LZTFL1: variants seen among roughly 807,000 people sequenced by gnomAD.
The protein encoded by LZTFL1 is leucine zipper transcription factor like 1.
A neutral mutation model predicts 45.9 loss-of-function variants in LZTFL1; 25 were observed. The ratio of observed to expected loss-of-function variants is 0.54; its 90% CI spans 0.40 to 0.76. The LOEUF is 0.76. Among genes scored for constraint, LZTFL1 ranks in the 30% least tolerant of loss-of-function variants. The pLI, the probability that LZTFL1 is intolerant of heterozygous loss-of-function variation, is 0.00. For synonymous variants in LZTFL1, 93 were observed against 117.4 expected, an observed-to-expected ratio of 0.79 and a Z score of 1.35; for missense variants, 277 against 331.1, an observed-to-expected ratio of 0.84 and a Z score of 1.27.
chr3:45,829,058 A>G (rs1700744755), intron 7 of LZTFL1, among the ~76,000 whole-genome samples: 1 of 152,234 alleles, frequency 6.6e-6, no homozygotes, highest in African/African-American at 2.4e-5. Flanking sequence ...TGTTTTAGTC[A>G]TTATTTACAA....
chr3:45,826,193 A>G lies in LZTFL1; in HGVS notation c.*121T>C. Reference sequence around the variant, plus strand: ...ATAGGAACTCTAGTTCTAAATATTCAAAGTCTAAATATTAGAAAAATAAGG... The same window carrying G: ...ATAGGAACTCTAGTTCTAAATATTCGAAGTCTAAATATTAGAAAAATAAGG... On this transcript the variant is annotated 3_prime_UTR_variant, in exon 10 of 10. Transcript: ENST00000296135. 1.2e-6 allele frequency: 1 copy of G among 856,604 alleles called. No homozygotes were observed. The highest frequency in any genetic ancestry group is 1.9e-6 in the Non-Finnish European group (1 of 529,526). The allele number at this position is 856,604 out of a possible 1,614,324, so 53.1% of individuals were successfully genotyped here. A position where few individuals can be genotyped will look rare whatever the true frequency, so the allele number is the denominator to read the frequency against.
chr3:45,848,466 CA>C (rs1192513798), intron 4 of LZTFL1, among the ~76,000 whole-genome samples: 2 of 152,186 alleles, frequency 1.3e-5, no homozygotes, highest in Non-Finnish European at 2.9e-5. Context: ...GCGCTACACA[CA>C]AAATATGCAA....
At position 45,849,735 on chromosome 3, in the gene LZTFL1, T is replaced by C. The variant is rs190807733; in HGVS notation, c.-49+5251A>G. ...CAAAAAAGACTGTGGAGAATAACTT[T>C]GAACAGCTAACATACACAGAACTGA... On this transcript the variant is annotated intron_variant, in intron 4 of 4. Coordinates refer to the LZTFL1 transcript ENST00000472635. Among the ~76,000 whole-genome samples the C allele has an allele frequency of 2.0e-3, 299 of 152,348 alleles. 2 individuals carry two copies. Among genetic ancestry groups the C allele is most frequent in the African/African-American group, 6.8e-3 (282 of 41,578 alleles).
At chr3:45,843,837 C>T (rs1258626206), upstream of LZTFL1, among the ~76,000 whole-genome samples, 2 of 152,186 alleles carry the variant, frequency 1.3e-5, no homozygotes, top group Non-Finnish European at 2.9e-5. Flanking sequence ...TGAACTTGTA[C>T]TTCAGGTTGT....
At chr3:45,860,934 A>G (rs1701478225) in intron 2 of LZTFL1, among the ~76,000 whole-genome samples, 1 of 152,198 alleles carries the variant, frequency 6.6e-6, no homozygotes, top group African/African-American at 2.4e-5. Flanking sequence ...CTTCTGATCT[A>G]GTCCATTGCC....
At chr3:45,877,036 G>A (rs939363392) in intron 2 of LZTFL1, among the ~76,000 whole-genome samples, 2 of 152,024 alleles carry the variant, frequency 1.3e-5, no homozygotes, top group Non-Finnish European at 2.9e-5. Context: ...ATAGGGCAAG[G>A]GAAGGCTTCC....
intron 2 of LZTFL1, among the ~76,000 whole-genome samples, chr3:45,877,495 A>G (rs533572254): frequency 6.6e-6 from 1 of 152,020 alleles, no homozygotes; most frequent in Non-Finnish European, 1.5e-5. Context: ...CGGCCCCCCA[A>G]AGTGTTGGGT....
intron 2 of LZTFL1, among the ~76,000 whole-genome samples, chr3:45,865,314 A>ATAC (rs1701560301): frequency 6.6e-6 from 1 of 152,258 alleles, no homozygotes; most frequent in Non-Finnish European, 1.5e-5. Flanking sequence ...TTGAAGTAGG[A>ATAC]TACTCAGCAA....
chr3:45,836,632 G>C (rs1281561832), intron 2 of LZTFL1, among the ~76,000 whole-genome samples: 1 of 152,118 alleles, frequency 6.6e-6, no homozygotes, highest in Non-Finnish European at 1.5e-5. Flanking sequence ...TCCAGCCTGG[G>C]CGACAAAGTG....
intron 2 of LZTFL1, among the ~76,000 whole-genome samples, chr3:45,876,173 C>T (rs1701746601): frequency 6.6e-6 from 1 of 152,158 alleles, no homozygotes; most frequent in Non-Finnish European, 1.5e-5. Flanking sequence ...TCAAGTGAAG[C>T]CTGAGGCTCT....
chr3:45,908,993 A>G (rs980311677), intron 2 of LZTFL1, among the ~76,000 whole-genome samples: 3 of 152,130 alleles, frequency 2.0e-5, no homozygotes, highest in Non-Finnish European at 2.9e-5. Flanking sequence ...GCCAACTGTC[A>G]TATCAGTGGC....
chr3:45,872,843 G>A (rs770753248), intron 2 of LZTFL1, among the ~76,000 whole-genome samples: 1 of 152,188 alleles, frequency 6.6e-6, no homozygotes, highest in Non-Finnish European at 1.5e-5. Context: ...TTATGACAAA[G>A]TTTGCAGATG....
At chr3:45,903,707 C>A (rs1319477121) in intron 2 of LZTFL1, among the ~76,000 whole-genome samples, 1 of 152,212 alleles carries the variant, frequency 6.6e-6, no homozygotes, top group Admixed American at 6.5e-5. Flanking sequence ...GCAGGCCTTG[C>A]TACCCCATCA....
chr3:45,854,850 A>G (rs1311968331), intron 4 of LZTFL1: 6 of 622,582 alleles, frequency 9.6e-6, no homozygotes, highest in Middle Eastern at 2.6e-4. Context: ...ATAACTCAAA[A>G]TCATCACCAT....
intron 2 of LZTFL1, among the ~76,000 whole-genome samples, chr3:45,890,275 T>TATATATTTATATAAATATATATATATAAC (rs1702113897): frequency 2.3e-5 from 2 of 85,144 alleles, no homozygotes; most frequent in South Asian, 3.6e-4. Flanking sequence ...ATATAACATA[T>TATATATTTATATAAATATATATATATAAC]ATATATATTT....
At chr3:45,859,812 T>C (rs940180042) in intron 2 of LZTFL1, among the ~76,000 whole-genome samples, 4 of 152,086 alleles carry the variant, frequency 2.6e-5, no homozygotes, top group African/African-American at 9.7e-5. Context: ...AATTTTTATA[T>C]TTTTAGTAGA....
chr3:45,863,986 G>A (rs1701537399), intron 2 of LZTFL1, among the ~76,000 whole-genome samples: 1 of 152,192 alleles, frequency 6.6e-6, no homozygotes, highest in Non-Finnish European at 1.5e-5. Flanking sequence ...TGTCAAGCAG[G>A]AAAGTGTTCT....
chr3:45,906,731 T>C (rs527635880), intron 2 of LZTFL1, among the ~76,000 whole-genome samples: 1 of 152,350 alleles, frequency 6.6e-6, no homozygotes, highest in South Asian at 2.1e-4. Flanking sequence ...CATATGGCTG[T>C]GGAGCCTTAA....
upstream of LZTFL1, among the ~76,000 whole-genome samples, chr3:45,844,978 A>C (rs575840646): frequency 6.6e-6 from 1 of 152,226 alleles, no homozygotes; most frequent in Admixed American, 6.5e-5. Context: ...GATAATCTCA[A>C]TGCATTAACA....
Sources: allele counts gnomAD v4.1 joint callset (sites outside exome capture counted in the v4.1 genomes callset), GRCh38; gene constraint gnomAD v4.1.1; transcripts MANE v1.5; gene names NCBI Gene and HGNC (gene_info 2026-07-23, HGNC 2026-07-21).